Variants in MYO3B observed in about 807,000 individuals in gnomAD.
MYO3B encodes the protein myosin-IIIb.
MYO3B carries 156 observed loss-of-function variants against 174.6 expected under a neutral mutation model. The observed-to-expected ratio is 0.89, with a 90% CI of 0.78 to 1.02. The LOEUF (loss-of-function observed/expected upper bound fraction) is 1.02, where lower values mean the gene tolerates loss of function less well. Among genes scored for constraint, MYO3B ranks in the 50% least tolerant of loss-of-function variants. MYO3B has a pLI of 0.00. For synonymous variants in MYO3B, 563 were observed against 569.1 expected (o/e 0.99, Z 0.15); for missense variants, 1,632 against 1,639.4 (o/e 1.00, Z 0.08).
intron 28 of MYO3B, 45 bp downstream of exon 28, chr2:170,501,910 G>T: frequency 4.7e-6 from 6 of 1,284,712 alleles, no homozygotes; most frequent in Non-Finnish European, 6.8e-6. Flanking sequence ...AAAATATTCT[G>T]TGACTAACTT....
intron 28 of MYO3B, among the ~76,000 whole-genome samples, chr2:170,505,973 C>T (rs945838036): frequency 4.6e-5 from 7 of 152,236 alleles, no homozygotes; most frequent in African/African-American, 1.7e-4. Flanking sequence ...TACTCCCCTC[C>T]TTGGCCCTGC....
At chr2:170,474,838 C>G (rs771163181) in intron 25 of MYO3B, among the ~76,000 whole-genome samples, 3 of 133,816 alleles carry the variant, frequency 2.2e-5, no homozygotes, top group Admixed American at 1.6e-4. Flanking sequence ...GAATAAATGA[C>G]AACAGTTCAG....
At chr2:170,621,789 G>A (rs948860280) in intron 32 of MYO3B, among the ~76,000 whole-genome samples, 5 of 152,020 alleles carry the variant, frequency 3.3e-5, no homozygotes, top group Admixed American at 6.6e-5. Flanking sequence ...TGGGGCCACC[G>A]TGAGCCACCA....
At chr2:170,219,604 A>G (rs979471761) in intron 6 of MYO3B, among the ~76,000 whole-genome samples, 2 of 152,048 alleles carry the variant, frequency 1.3e-5, no homozygotes, top group Admixed American at 6.6e-5. Context: ...AGATGCCACC[A>G]CTGCACTTCA....
chr2:170,598,477 TC>T (rs1257777883), intron 32 of MYO3B, among the ~76,000 whole-genome samples: 1 of 152,242 alleles, frequency 6.6e-6, no homozygotes, highest in Non-Finnish European at 1.5e-5. Context: ...GTGCAACTTT[TC>T]CTTTTTGAAT....
At chr2:170,593,300 G>A (rs73030720) in intron 32 of MYO3B, among the ~76,000 whole-genome samples, 4,478 of 152,172 alleles carry the variant, frequency 0.029, 233 homozygotes, top group African/African-American at 0.1. Flanking sequence ...ACAAGGTCTC[G>A]CTATGTTGCC....
At position 170,186,193 on chromosome 2, in the gene MYO3B, A is replaced by T. The variant is rs572982902; in HGVS notation, c.2+7904A>T. Among the ~76,000 whole-genome samples the T allele has an allele frequency of 2.3e-4, 35 of 152,334 alleles. 1 individual carries two copies. Among genetic ancestry groups the T allele is most frequent in the African/African-American group, 7.7e-4 (32 of 41,586 alleles). Reference sequence around the variant, plus strand: ...CTGAGTAACAGTGGTGAAAGTGGGCATCCTTGTCATATTCCAGATATTAGT... The same window carrying T: ...CTGAGTAACAGTGGTGAAAGTGGGCTTCCTTGTCATATTCCAGATATTAGT... On this transcript the variant is annotated intron_variant, in intron 1 of 34. Transcript: ENST00000408978.
intron 32 of MYO3B, among the ~76,000 whole-genome samples, chr2:170,622,373 G>A (rs535700663): frequency 6.6e-6 from 1 of 152,208 alleles, no homozygotes; most frequent in South Asian, 2.1e-4. Flanking sequence ...TCTGTCCTGA[G>A]AAGAGCAACT....
At chr2:170,559,696 C>G (rs375857788) in intron 32 of MYO3B, among the ~76,000 whole-genome samples, 4 of 152,010 alleles carry the variant, frequency 2.6e-5, no homozygotes, top group Non-Finnish European at 4.4e-5. Flanking sequence ...TTCTCCCTAC[C>G]AAGAACAATT....
chr2:170,440,054 A>T (rs1041538180), intron 22 of MYO3B, among the ~76,000 whole-genome samples: 5 of 152,136 alleles, frequency 3.3e-5, no homozygotes, highest in African/African-American at 1.2e-4. Context: ...GGTAACAGTT[A>T]AATTTTATTC....
intron 1 of MYO3B, among the ~76,000 whole-genome samples, chr2:170,185,371 A>T (rs116298790): frequency 0.012 from 1,778 of 152,068 alleles, 39 homozygotes; most frequent in African/African-American, 0.041. Flanking sequence ...TGGATAACCA[A>T]TTTTCCCAGC....
At chr2:170,595,313 A>G (rs1156917099) in intron 32 of MYO3B, among the ~76,000 whole-genome samples, 1 of 152,176 alleles carries the variant, frequency 6.6e-6, no homozygotes, top group Admixed American at 6.5e-5. Context: ...TGGAGACATA[A>G]GTTGTCTGGT....
In MYO3B at chr2:170,653,663, T is replaced by C. The variant is rs1575355633; in HGVS notation, c.*542T>C. 6.5e-6 allele frequency: 1 copy of C among 153,886 alleles called. No individual in the cohort carries two copies. Among genetic ancestry groups the C allele is most frequent in the East Asian group, 1.9e-4 (1 of 5,216 alleles). 9.5% of individuals were successfully genotyped at this position (153,886 alleles called of 1,614,324 possible). On this transcript the variant is annotated 3_prime_UTR_variant, in exon 35 of 35. Coordinates refer to ENST00000408978, the MANE Select transcript of MYO3B (RefSeq NM_138995.5). The stretch of plus-strand genomic sequence containing the variant: ...CTGGAGGATTGGCCCCAAGATCTCC[T>C]AGAACAGGATAATTGCCTGTGTTTA...
intron 32 of MYO3B, among the ~76,000 whole-genome samples, chr2:170,546,669 C>T (rs559949619): frequency 9.9e-5 from 15 of 152,254 alleles, no homozygotes; most frequent in Admixed American, 3.9e-4. Context: ...TTTTCCGTTT[C>T]GCATATATTA....
At chr2:170,577,021 C>A (rs1031654682) in intron 32 of MYO3B, among the ~76,000 whole-genome samples, 1 of 152,202 alleles carries the variant, frequency 6.6e-6, no homozygotes, top group African/African-American at 2.4e-5. Context: ...ATACATCCAA[C>A]AGAGTAATTT....
At chr2:170,322,208 A>G (rs1180930844) in intron 7 of MYO3B, among the ~76,000 whole-genome samples, 1 of 151,952 alleles carries the variant, frequency 6.6e-6, no homozygotes, top group African/African-American at 2.4e-5. Flanking sequence ...CAACAGATTG[A>G]TTTTTGAAAA....
At chr2:170,393,928 G>A (rs560842756) in intron 16 of MYO3B, among the ~76,000 whole-genome samples, 18 of 152,236 alleles carry the variant, frequency 1.2e-4, no homozygotes, top group South Asian at 4.2e-4. Flanking sequence ...TTAACTTAAA[G>A]AACAGGTTTT....
intron 3 of MYO3B, among the ~76,000 whole-genome samples, chr2:170,203,082 C>T (rs1426916078): frequency 6.6e-6 from 1 of 152,150 alleles, no homozygotes; most frequent in East Asian, 1.9e-4. Flanking sequence ...AGAAAATACA[C>T]ACACATAATA....
In MYO3B at chr2:170,391,612, C is replaced by T; in HGVS notation, c.1670C>T (p.Pro557Leu). The change falls in exon 15 of 35, where the codon CCT becomes CTT. Residue 557 changes from proline (P) to leucine (L), a missense_variant. Coordinates refer to ENST00000408978, the MANE Select transcript of MYO3B (RefSeq NM_138995.5). ...GATTTCAGACTTCCTGAGGAAAAAC[C>T]TCCTAGGTAAGTGTCAGGGGGGTTG... Reference protein sequence around the residue: ...LSDFRLPEEKPPRYIADETGR... With the variant: ...LSDFRLPEEKLPRYIADETGR... 1.9e-6 allele frequency: 3 copies of T among 1,568,606 alleles called. No individual in the cohort carries two copies. Among genetic ancestry groups the T allele is most frequent in the Non-Finnish European group, 2.6e-6 (3 of 1,153,664 alleles).
Sources: gnomAD v4.1 joint callset for allele counts (sites outside exome capture counted in the v4.1 genomes callset) on GRCh38, gnomAD v4.1.1 for gene constraint, MANE v1.5 for transcripts, NCBI Gene and HGNC (gene_info 2026-07-23, HGNC 2026-07-21) for gene names.